Variants in ANKS1B observed in about 807,000 individuals in gnomAD.
ANKS1B encodes ankyrin repeat and sterile alpha motif domain-containing protein 1B.
Under a neutral mutation model 148.3 loss-of-function variants are expected in ANKS1B, and 36 were observed. The ratio of observed to expected loss-of-function variants is 0.24; its 90% CI spans 0.19 to 0.32. The LOEUF is 0.32. Ranked by LOEUF, ANKS1B falls within the 10% of genes least tolerant of loss-of-function variation. The probability of loss-of-function intolerance (pLI) is 1.00; values close to 1 mark genes in which losing one functional copy is unlikely to be tolerated. For synonymous variants in ANKS1B, 542 were observed against 560.8 expected (o/e 0.97, Z 0.47); for missense variants, 1,157 against 1,542.6 (o/e 0.75, Z 4.19).
intron 12 of ANKS1B, among the ~76,000 whole-genome samples, chr12:99,315,584 T>A (rs1566873575): frequency 6.6e-6 from 1 of 152,180 alleles, no homozygotes; most frequent in Non-Finnish European, 1.5e-5. Context: ...TTGAATATAA[T>A]TCACATAACA....
At chr12:98,939,876 T>C (rs1238051144) in intron 17 of ANKS1B, among the ~76,000 whole-genome samples, 1 of 152,264 alleles carries the variant, frequency 6.6e-6, no homozygotes, top group East Asian at 1.9e-4. Flanking sequence ...GTTCTTGACT[T>C]CAGTACTACT....
At chr12:98,787,906 C>T (rs1468485990) in intron 22 of ANKS1B, among the ~76,000 whole-genome samples, 4 of 147,182 alleles carry the variant, frequency 2.7e-5, no homozygotes, top group Non-Finnish European at 4.5e-5. Flanking sequence ...GGTGACAGAG[C>T]GAGACTCTGG....
intron 9 of ANKS1B, among the ~76,000 whole-genome samples, chr12:99,568,578 A>G (rs1356210047): frequency 6.6e-6 from 1 of 152,212 alleles, no homozygotes; most frequent in African/African-American, 2.4e-5. Flanking sequence ...AATGCTCTGT[A>G]ATGTTTTAAT....
chr12:99,171,525 C>A (rs966010743), intron 14 of ANKS1B, among the ~76,000 whole-genome samples: 2 of 152,096 alleles, frequency 1.3e-5, no homozygotes, highest in African/African-American at 2.4e-5. Context: ...TAAGGGAAGT[C>A]AGGAGCTTGG....
At position 99,282,821 on chromosome 12, in the gene ANKS1B, G is replaced by T. The variant is rs549175552; in HGVS notation, c.1757-35957C>A. 2.1e-4 allele frequency among the ~76,000 whole-genome samples: 32 copies of T among 152,294 alleles called. No individual in the cohort carries two copies. In the South Asian group the frequency reaches 6.4e-3, roughly 31 times the overall value. On this transcript the variant is annotated intron_variant, in intron 12 of 26. Transcript: ENST00000683438. ...GAGTTTCGTTTTAGACATTTAAAGG[G>T]TGAAATGCCTACTAGACATTCAAAT...
At chr12:99,656,104 T>C (rs1443265989) in intron 8 of ANKS1B, among the ~76,000 whole-genome samples, 1 of 152,126 alleles carries the variant, frequency 6.6e-6, no homozygotes, top group Non-Finnish European at 1.5e-5. Context: ...TTTGAAGAAG[T>C]TGAAGCAAAA....
chr12:99,676,588 T>C (rs774079800), intron 8 of ANKS1B, among the ~76,000 whole-genome samples: 27 of 152,232 alleles, frequency 1.8e-4, no homozygotes, highest in Non-Finnish European at 2.9e-4. Context: ...TAAAAATAAG[T>C]AGGACTTAAT....
Position 98,807,828 on chromosome 12 carries a change from C to A in ANKS1B, c.3141+16G>T, listed in dbSNP as rs1035438718. 101 of 1,610,104 alleles carry A rather than the reference C, an allele frequency of 6.3e-5. No homozygotes were observed. The highest frequency in any genetic ancestry group is 8.4e-5 in the Non-Finnish European group (99 of 1,177,546). The stretch of plus-strand genomic sequence containing the variant: ...GCGCAAGTTCAGGAGAAGAAAAGAA[C>A]CATTTGTAACCTTACATTATGAACC... On this transcript the variant is annotated intron_variant, in intron 20 of 26. Coordinates refer to ENST00000683438, the MANE Select transcript of ANKS1B (RefSeq NM_001352186.2).
At chr12:99,504,043 A>G (rs566205718) in intron 10 of ANKS1B, among the ~76,000 whole-genome samples, 1 of 152,288 alleles carries the variant, frequency 6.6e-6, no homozygotes, top group South Asian at 2.1e-4. Flanking sequence ...CAAAAAATAA[A>G]ACAAAATAAT....
At chr12:98,782,369 G>GT (rs1164787379) in intron 22 of ANKS1B, among the ~76,000 whole-genome samples, 1 of 152,146 alleles carries the variant, frequency 6.6e-6, no homozygotes, top group Non-Finnish European at 1.5e-5. Context: ...TCATCATTCT[G>GT]TTTACTGCAC....
intron 17 of ANKS1B, chr12:98,894,835 G>C (rs1272476464): frequency 1.0e-6 from 1 of 981,910 alleles, no homozygotes; most frequent in Non-Finnish European, 1.2e-6. Flanking sequence ...TGGCCGCGCC[G>C]CGCTGCGCCG....
At chr12:99,361,483 G>C (rs1490428020) in intron 12 of ANKS1B, among the ~76,000 whole-genome samples, 1 of 151,944 alleles carries the variant, frequency 6.6e-6, no homozygotes, top group Non-Finnish European at 1.5e-5. Context: ...TTAAACATAG[G>C]AAAGAAGAGA....
At chr12:99,562,333 G>A (rs1225293294) in intron 9 of ANKS1B, among the ~76,000 whole-genome samples, 1 of 152,178 alleles carries the variant, frequency 6.6e-6, no homozygotes, top group East Asian at 1.9e-4. Context: ...ATCACCAGCT[G>A]CATTCACCCC....
intron 26 of ANKS1B, among the ~76,000 whole-genome samples, chr12:98,749,343 G>A (rs1005278931): frequency 7.3e-5 from 11 of 151,706 alleles, no homozygotes; most frequent in East Asian, 3.9e-4. Context: ...TCCTGACCTC[G>A]TGATCTGCCC....
chr12:98,953,734 C>A (rs1385690642), intron 17 of ANKS1B, among the ~76,000 whole-genome samples: 1 of 151,906 alleles, frequency 6.6e-6, no homozygotes, highest in Non-Finnish European at 1.5e-5. Context: ...GCATACAAAA[C>A]CTCCCACAAG....
chr12:98,894,705 T>C, intron 17 of ANKS1B: 1 of 985,610 alleles, frequency 1.0e-6, no homozygotes, highest in Non-Finnish European at 1.2e-6. Context: ...CGCAGACATG[T>C]GGCTTGAACC....
chr12:99,052,120 AAATG>A lies in ANKS1B; in HGVS notation c.2778+1033_2778+1036del, dbSNP rs151163164. Among the ~76,000 whole-genome samples the A allele has an allele frequency of 7.7e-3, 1,174 of 152,372 alleles. 18 individuals carry two copies. The highest frequency in any genetic ancestry group is 0.027 in the African/African-American group (1,109 of 41,584). ...ATGTGTGCTATGCCAAATACAATTC[AAATG>A]AATGACCATTTTATGTTACATTTTC... On this transcript the variant is annotated intron_variant, in intron 17 of 26. Transcript: ENST00000683438.
At chr12:99,528,443 AC>A (rs2096952630) in intron 9 of ANKS1B, among the ~76,000 whole-genome samples, 1 of 131,130 alleles carries the variant, frequency 7.6e-6, no homozygotes. Context: ...AAAAAAAAAA[AC>A]AAAAAAAAAA....
At position 99,464,866 on chromosome 12, in the gene ANKS1B, A is replaced by C. The variant is rs368928533; in HGVS notation, c.1439-21057T>G. ...GAATGGAACCAAGTTGGAAAACACTATGCAGGATATTATGTAGGAGAACTT... is the reference window on the plus strand; with the variant it reads ...GAATGGAACCAAGTTGGAAAACACTCTGCAGGATATTATGTAGGAGAACTT... On this transcript the variant is annotated intron_variant, in intron 10 of 26. Coordinates refer to ENST00000683438, the MANE Select transcript of ANKS1B (RefSeq NM_001352186.2). 1.6e-4 allele frequency among the ~76,000 whole-genome samples: 25 copies of C among 152,320 alleles called. 1 individual carries two copies. The highest frequency in any genetic ancestry group is 7.8e-4 in the Admixed American group (12 of 15,298).
Sources: allele counts gnomAD v4.1 joint callset (sites outside exome capture counted in the v4.1 genomes callset), GRCh38; gene constraint gnomAD v4.1.1; transcripts MANE v1.5; gene names NCBI Gene and HGNC (gene_info 2026-07-23, HGNC 2026-07-21).